Variants in RIT2 observed in about 807,000 individuals in gnomAD.
The protein encoded by RIT2 is GTP-binding protein Rit2.
RIT2 carries 24 observed loss-of-function variants against 23.7 expected under a neutral mutation model. That is an observed-to-expected ratio of 1.01 (90% CI 0.73 to 1.43). The LOEUF (loss-of-function observed/expected upper bound fraction) is 1.43, where lower values mean the gene tolerates loss of function less well. RIT2 is among the 40% of genes most tolerant of loss of function. RIT2 has a pLI of 0.00. For synonymous variants in RIT2, 107 were observed against 91.1 expected, an observed-to-expected ratio of 1.17 and a Z score of -0.99; for missense variants, 236 against 266.9, an observed-to-expected ratio of 0.88 and a Z score of 0.81.
intron 2 of RIT2, among the ~76,000 whole-genome samples, chr18:43,022,031 A>C (rs966682860): frequency 5.9e-5 from 9 of 152,274 alleles, no homozygotes; most frequent in African/African-American, 2.2e-4. Context: ...CACTATTCAC[A>C]ATAGCAAAGA....
intron 2 of RIT2, among the ~76,000 whole-genome samples, chr18:43,000,669 T>A (rs1023573387): frequency 2.0e-5 from 3 of 151,910 alleles, no homozygotes; most frequent in Admixed American, 2.0e-4. Context: ...CTCATAATAG[T>A]GAGTTTTCAT....
chr18:42,980,496 A>G (rs1302142092), intron 2 of RIT2, among the ~76,000 whole-genome samples: 1 of 152,090 alleles, frequency 6.6e-6, no homozygotes, highest in Non-Finnish European at 1.5e-5. Context: ...GGTAGGTAAT[A>G]GGGTAGTTGA....
At chr18:43,003,759 G>C in intron 2 of RIT2, among the ~76,000 whole-genome samples, 1 of 92,146 alleles carries the variant, frequency 1.1e-5, no homozygotes, top group Admixed American at 1.5e-4. Flanking sequence ...TTCCTCCTCA[G>C]TGACACACAC....
chr18:42,901,182 T>C (rs1343004213), intron 4 of RIT2, among the ~76,000 whole-genome samples: 1 of 152,040 alleles, frequency 6.6e-6, no homozygotes, highest in Non-Finnish European at 1.5e-5. Context: ...GTATTAGATA[T>C]TGATGCTTGA....
intron 4 of RIT2, among the ~76,000 whole-genome samples, chr18:42,791,227 C>T (rs1237781290): frequency 6.6e-6 from 1 of 151,974 alleles, no homozygotes; most frequent in African/African-American, 2.4e-5. Flanking sequence ...AATTTTTATT[C>T]CATATGTTTT....
Position 42,809,824 on chromosome 18 carries a change from AAT to A in RIT2, c.427-66106_427-66105del, listed in dbSNP as rs74466597. On this transcript the variant is annotated intron_variant, in intron 4 of 4. Coordinates refer to ENST00000326695, the MANE Select transcript of RIT2 (RefSeq NM_002930.4). ...TTTGATCTTTATAACTTATATATATAATATATATATAATTTGTATATATGTTA... is the reference window on the plus strand; with the variant it reads ...TTTGATCTTTATAACTTATATATATAATATATATAATTTGTATATATGTTA... Among the ~76,000 whole-genome samples the A allele has an allele frequency of 1.9e-3, 249 of 133,536 alleles. 1 individual carries two copies. Among genetic ancestry groups the A allele is most frequent in the Middle Eastern group, 4.2e-3 (1 of 236 alleles). The allele number at this position is 133,536 out of a possible 152,430, so 87.6% of individuals were successfully genotyped here.
chr18:42,863,481 A>G (rs938474865), intron 4 of RIT2, among the ~76,000 whole-genome samples: 2 of 152,204 alleles, frequency 1.3e-5, no homozygotes, highest in African/African-American at 2.4e-5. Flanking sequence ...AGTGAAGAAG[A>G]AAATTCTCCC....
At chr18:43,101,926 T>C (rs1913694173) in intron 1 of RIT2, among the ~76,000 whole-genome samples, 1 of 152,104 alleles carries the variant, frequency 6.6e-6, no homozygotes, top group African/African-American at 2.4e-5. Context: ...AAACAAAAAA[T>C]AGACAAAATA....
At chr18:42,755,701 G>T (rs796781870) in intron 4 of RIT2, among the ~76,000 whole-genome samples, 13 of 152,188 alleles carry the variant, frequency 8.5e-5, no homozygotes, top group African/African-American at 3.1e-4. Context: ...CACTTAAGAG[G>T]GCTCATTATT....
At chr18:43,097,751 G>A (rs2144369231) in intron 1 of RIT2, among the ~76,000 whole-genome samples, 1 of 152,086 alleles carries the variant, frequency 6.6e-6, no homozygotes, top group South Asian at 2.1e-4. Context: ...CCTGAAAAGT[G>A]TCGCTACAGA....
chr18:42,792,286 C>T (rs998181016), intron 4 of RIT2, among the ~76,000 whole-genome samples: 1 of 152,068 alleles, frequency 6.6e-6, no homozygotes, highest in Non-Finnish European at 1.5e-5. Flanking sequence ...TAATGCACAC[C>T]TGGAGCAAGA....
chr18:42,782,304 C>G (rs1913828454), intron 4 of RIT2, among the ~76,000 whole-genome samples: 1 of 152,120 alleles, frequency 6.6e-6, no homozygotes, highest in African/African-American at 2.4e-5. Context: ...CTACTATGCT[C>G]TTATTCCTTA....
chr18:43,018,589 C>T (rs1442420447), intron 2 of RIT2, among the ~76,000 whole-genome samples: 1 of 151,850 alleles, frequency 6.6e-6, no homozygotes. Flanking sequence ...TAAGCAGAAA[C>T]CTGACAGTCC....
intron 4 of RIT2, among the ~76,000 whole-genome samples, chr18:42,758,928 A>G (rs577384706): frequency 2.4e-4 from 36 of 152,198 alleles, no homozygotes; most frequent in Admixed American, 6.5e-4. Flanking sequence ...CAGGACTTAA[A>G]TCATCAACTC....
chr18:42,827,722 T>G (rs1331879520), intron 4 of RIT2, among the ~76,000 whole-genome samples: 1 of 151,986 alleles, frequency 6.6e-6, no homozygotes, highest in Non-Finnish European at 1.5e-5. Flanking sequence ...TAGAAAAATG[T>G]AGGCCAGGCG....
intron 1 of RIT2, among the ~76,000 whole-genome samples, chr18:43,053,192 T>C (rs570721039): frequency 6.6e-6 from 1 of 152,186 alleles, no homozygotes; most frequent in East Asian, 1.9e-4. Context: ...GTCTAAACTA[T>C]TTGTTAAGTA....
chr18:42,761,626 C>G (rs1913305613), intron 4 of RIT2, among the ~76,000 whole-genome samples: 1 of 152,152 alleles, frequency 6.6e-6, no homozygotes, highest in Admixed American at 6.5e-5. Flanking sequence ...AGTTCATCCC[C>G]CTCTCATAAT....
chr18:43,031,339 C>T (rs1911849628), intron 2 of RIT2, among the ~76,000 whole-genome samples: 1 of 151,262 alleles, frequency 6.6e-6, no homozygotes, highest in African/African-American at 2.4e-5. Flanking sequence ...ACACTAGATG[C>T]CACAAAACCA....
intron 4 of RIT2, among the ~76,000 whole-genome samples, chr18:42,871,426 T>C (rs1907619325): frequency 6.6e-6 from 1 of 152,194 alleles, no homozygotes; most frequent in Non-Finnish European, 1.5e-5. Flanking sequence ...TATTACTTGC[T>C]AAATAATTAA....
Sources: allele counts gnomAD v4.1 joint callset (sites outside exome capture counted in the v4.1 genomes callset), GRCh38; gene constraint gnomAD v4.1.1; transcripts MANE v1.5; gene names NCBI Gene and HGNC (gene_info 2026-07-23, HGNC 2026-07-21).